HEPACAM2: variants seen among roughly 807,000 people sequenced by gnomAD.
The protein encoded by HEPACAM2 is mitotic kinetics regulator.
In HEPACAM2, 49 loss-of-function variants were observed where a neutral mutation model predicts 49.6. The observed-to-expected ratio is 0.99, with a 90% CI of 0.78 to 1.25. HEPACAM2 has a LOEUF of 1.25. Among genes scored for constraint, HEPACAM2 ranks in the 50% most tolerant of loss-of-function variants. The probability of loss-of-function intolerance (pLI) is 0.00; values close to 1 mark genes in which losing one functional copy is unlikely to be tolerated. For missense variants in HEPACAM2, 525 were observed against 557.2 expected (o/e 0.94, Z 0.58); for synonymous variants, 197 against 202.9 (o/e 0.97, Z 0.25).
At chr7:93,207,658 G>A (rs145223883) in intron 4 of HEPACAM2, among the ~76,000 whole-genome samples, 3 of 151,976 alleles carry the variant, frequency 2.0e-5, no homozygotes, top group African/African-American at 7.2e-5. Context: ...TTAGCTTTCT[G>A]TCTTAGGTTG....
intron 8 of HEPACAM2, among the ~76,000 whole-genome samples, chr7:93,194,326 C>T (rs1793629194): frequency 6.6e-6 from 1 of 152,102 alleles, no homozygotes; most frequent in African/African-American, 2.4e-5. Flanking sequence ...ACTCCTTATT[C>T]AAAAATTCAA....
chr7:93,231,323 A>G (rs1056200815), upstream of HEPACAM2, among the ~76,000 whole-genome samples: 29 of 152,238 alleles, frequency 1.9e-4, no homozygotes, highest in African/African-American at 6.8e-4. Context: ...GCCATGCTTT[A>G]GAACTTTCTT....
At chr7:93,223,976 T>G (rs781703196) in intron 1 of HEPACAM2, among the ~76,000 whole-genome samples, 1 of 152,226 alleles carries the variant, frequency 6.6e-6, no homozygotes, top group Non-Finnish European at 1.5e-5. Context: ...GAATTCATGC[T>G]GTCAAACACA....
At chr7:93,192,764 G>A (rs1442383406) in intron 8 of HEPACAM2, among the ~76,000 whole-genome samples, 3 of 152,088 alleles carry the variant, frequency 2.0e-5, no homozygotes, top group East Asian at 3.9e-4. Context: ...AATTATGTGC[G>A]CAAGGGTGGC....
upstream of HEPACAM2, among the ~76,000 whole-genome samples, chr7:93,227,034 T>C (rs1270949745): frequency 6.6e-6 from 1 of 152,202 alleles, no homozygotes; most frequent in African/African-American, 2.4e-5. Flanking sequence ...CATTTAATCT[T>C]TGAATTCATC....
At chr7:93,197,115 G>A (rs1020432337) in intron 7 of HEPACAM2, 126 bp downstream of exon 7, 2 of 599,536 alleles carry the variant, frequency 3.3e-6, no homozygotes, top group Non-Finnish European at 4.8e-6. Flanking sequence ...TAACTCAAAG[G>A]TAAGAGACTG....
chr7:93,203,607 C>T (rs181246462), intron 4 of HEPACAM2, among the ~76,000 whole-genome samples: 1 of 152,178 alleles, frequency 6.6e-6, no homozygotes, highest in Non-Finnish European at 1.5e-5. Context: ...TGTGCCAAAG[C>T]CATAGTGCAA....
intron 8 of HEPACAM2, among the ~76,000 whole-genome samples, chr7:93,193,979 C>T (rs1468713280): frequency 6.6e-6 from 1 of 152,118 alleles, no homozygotes; most frequent in Non-Finnish European, 1.5e-5. Context: ...CTTGATTTCT[C>T]ACTTCTTCCC....
intron 4 of HEPACAM2, among the ~76,000 whole-genome samples, chr7:93,200,213 T>G (rs564095483): frequency 6.6e-6 from 1 of 152,214 alleles, no homozygotes; most frequent in African/African-American, 2.4e-5. Flanking sequence ...ACTTTGTGAT[T>G]TTTTTCGGTC....
chr7:93,215,798 T>G, intron 2 of HEPACAM2, 113 bp from the exon 3 acceptor site: 1 of 1,039,934 alleles, frequency 9.6e-7, no homozygotes, highest in African/African-American at 1.6e-5. Flanking sequence ...CATTTTACAC[T>G]GTAAATGTAG....
chr7:93,197,434 T>C lies in HEPACAM2; in HGVS notation c.1139-37A>G, dbSNP rs759806163. 5 of 1,588,474 alleles carry C rather than the reference T, an allele frequency of 3.1e-6. No individual in the cohort carries two copies. In the African/African-American group the frequency reaches 4.1e-5, roughly 13 times the overall value. On this transcript the variant is annotated intron_variant, in intron 5 of 9. Coordinates refer to ENST00000394468, the MANE Select transcript of HEPACAM2 (RefSeq NM_001039372.4). ...AGAGAAGAAAAATGGTAAGGTTTTT[T>C]TTAGTACACATATATACAGCTTCAA...
chr7:93,208,790 A>C lies in HEPACAM2; in HGVS notation c.802T>G (p.Phe268Val), dbSNP rs764929910. 1.2e-6 allele frequency: 2 copies of C among 1,613,068 alleles called. No homozygotes were observed. Among genetic ancestry groups the C allele is most frequent in the Non-Finnish European group, 1.7e-6 (2 of 1,179,364 alleles). ...GGATGAGAATCAGCAGAACAATCAAATAGGATGGCCTCTCCAAGGTCAACA... is the reference window on the plus strand; with the variant it reads ...GGATGAGAATCAGCAGAACAATCAACTAGGATGGCCTCTCCAAGGTCAACA... ...FTVDLGEAIL[F>V]DCSADSHPPN... The change falls in exon 4 of 10, where the codon TTT (phenylalanine) becomes GTT (valine). Residue 268 changes from phenylalanine to valine, a missense_variant. Physicochemically the swap from Phe to Val is conservative, Grantham distance 50. Coordinates refer to ENST00000394468, the MANE Select transcript of HEPACAM2 (RefSeq NM_001039372.4).
At chr7:93,215,260 A>G in intron 3 of HEPACAM2, 141 bp downstream of exon 3, 1 of 674,628 alleles carries the variant, frequency 1.5e-6, no homozygotes, top group East Asian at 2.7e-5. Flanking sequence ...AGTGCCTAGG[A>G]GGTGTGATTA....
chr7:93,232,096 C>T, the HEPACAM2 span, among the ~76,000 whole-genome samples: 1 of 152,186 alleles, frequency 6.6e-6, no homozygotes, highest in African/African-American at 2.4e-5. Flanking sequence ...ATCTTTCGCT[C>T]AACGCCTAGT....
intron 4 of HEPACAM2, among the ~76,000 whole-genome samples, chr7:93,205,979 A>G (rs1177389484): frequency 1.3e-5 from 2 of 152,122 alleles, no homozygotes; most frequent in African/African-American, 4.8e-5. Context: ...GATTTTGCAA[A>G]AGGCAATTAT....
At chr7:93,204,322 TTCTC>T (rs1197620038) in intron 4 of HEPACAM2, among the ~76,000 whole-genome samples, 3 of 135,510 alleles carry the variant, frequency 2.2e-5, no homozygotes, top group Non-Finnish European at 3.2e-5. Flanking sequence ...TCCATAAACA[TTCTC>T]TATCTATCTA....
In HEPACAM2 at chr7:93,208,568, T is replaced by C. The variant is rs1393939866; in HGVS notation, c.1012+12A>G. Reference sequence around the variant, plus strand: ...GTTTTATTAGGATCCCTTCCTTGTATGTCACACATACCTACGGAAGTGATG... The same window carrying C: ...GTTTTATTAGGATCCCTTCCTTGTACGTCACACATACCTACGGAAGTGATG... On this transcript the variant is annotated intron_variant, in intron 4 of 9. Coordinates refer to ENST00000394468, the MANE Select transcript of HEPACAM2 (RefSeq NM_001039372.4). 5.6e-6 allele frequency: 9 copies of C among 1,607,188 alleles called. No homozygotes were observed. Among genetic ancestry groups the C allele is most frequent in the Non-Finnish European group, 6.0e-6 (7 of 1,175,630 alleles).
chr7:93,192,904 T>C (rs2116625715), intron 8 of HEPACAM2, among the ~76,000 whole-genome samples: 1 of 152,224 alleles, frequency 6.6e-6, no homozygotes, highest in East Asian at 1.9e-4. Flanking sequence ...CTGTAAAAAC[T>C]AAATGCTTAG....
At chr7:93,229,942 ATAGTT>A (rs1377317419), upstream of HEPACAM2, among the ~76,000 whole-genome samples, 1 of 152,222 alleles carries the variant, frequency 6.6e-6, no homozygotes, top group Non-Finnish European at 1.5e-5. Flanking sequence ...ATTAGAAAAT[ATAGTT>A]TATTTAGACA....
Sources: allele counts gnomAD v4.1 joint callset (sites outside exome capture counted in the v4.1 genomes callset), GRCh38; gene constraint gnomAD v4.1.1; transcripts MANE v1.5; gene names NCBI Gene and HGNC (gene_info 2026-07-23, HGNC 2026-07-21).